The following HRH1 variants were observed in gnomAD, a reference collection of about 807,000 sequenced individuals.
The protein encoded by HRH1 is histamine H1 receptor.
In HRH1, 6 loss-of-function variants were observed where a neutral mutation model predicts 10.3. The observed-to-expected ratio is 0.58, with a 90% CI of 0.32 to 1.15. HRH1 has a LOEUF of 1.15. HRH1 is among the 50% of genes most tolerant of loss of function. The probability of loss-of-function intolerance (pLI) is 0.05; values close to 1 mark genes in which losing one functional copy is unlikely to be tolerated. For synonymous variants in HRH1, 242 were observed against 236.7 expected (o/e 1.02, Z -0.21); for missense variants, 514 against 615.3 (o/e 0.84, Z 1.74).
intron 1 of HRH1, among the ~76,000 whole-genome samples, chr3:11,249,613 G>A (rs534756441): frequency 1.9e-4 from 29 of 152,282 alleles, no homozygotes; most frequent in African/African-American, 6.0e-4. Flanking sequence ...TGGTTATATT[G>A]GCAATTGGGA....
chr3:11,173,526 C>T (rs1192824206), intron 1 of HRH1, among the ~76,000 whole-genome samples: 7 of 151,292 alleles, frequency 4.6e-5, no homozygotes, highest in African/African-American at 9.7e-5. Flanking sequence ...CCTCAGCCTC[C>T]GAGTAGCTGG....
At chr3:11,223,638 G>A (rs1030798501) in intron 1 of HRH1, among the ~76,000 whole-genome samples, 2 of 152,230 alleles carry the variant, frequency 1.3e-5, no homozygotes, top group African/African-American at 4.8e-5. Flanking sequence ...CAAGTAGACA[G>A]GGCTCTGGGT....
At chr3:11,207,468 C>A (rs13060038) in intron 1 of HRH1, among the ~76,000 whole-genome samples, 35,822 of 151,892 alleles carry the variant, frequency 0.24, 4,328 homozygotes, top group South Asian at 0.36. Context: ...GCTCAGGAGG[C>A]TGAGGCAGGA....
intron 1 of HRH1, among the ~76,000 whole-genome samples, chr3:11,256,734 G>T (rs1939792216): frequency 6.6e-6 from 1 of 152,098 alleles, no homozygotes; most frequent in East Asian, 1.9e-4. Flanking sequence ...GGGAGGCAGA[G>T]GTTGCAGTGA....
chr3:11,199,503 C>T (rs1225560572), intron 1 of HRH1, among the ~76,000 whole-genome samples: 4 of 152,178 alleles, frequency 2.6e-5, no homozygotes, highest in African/African-American at 7.2e-5. Flanking sequence ...CTTTCCTGCA[C>T]ACATCCTTCC....
intron 1 of HRH1, among the ~76,000 whole-genome samples, chr3:11,159,655 C>T (rs75193050): frequency 0.027 from 4,075 of 152,220 alleles, 136 homozygotes; most frequent in African/African-American, 0.075. Flanking sequence ...CCAGTGATTT[C>T]GTTTCTCATG....
At chr3:11,234,179 T>A in intron 1 of HRH1, 1 of 876,284 alleles carries the variant, frequency 1.1e-6, no homozygotes. Flanking sequence ...GACACTTTCT[T>A]GGAAGGTGAC....
chr3:11,159,479 C>A (rs899085535), intron 1 of HRH1, among the ~76,000 whole-genome samples: 4 of 152,154 alleles, frequency 2.6e-5, no homozygotes, highest in Admixed American at 2.6e-4. Flanking sequence ...CCCAGATGGT[C>A]ACATGATTTT....
At chr3:11,253,825 A>T (rs1346571500) in intron 1 of HRH1, among the ~76,000 whole-genome samples, 1 of 152,156 alleles carries the variant, frequency 6.6e-6, no homozygotes, top group Non-Finnish European at 1.5e-5. Context: ...TCTAAGATAG[A>T]CATTAACTCG....
chr3:11,166,731 GT>G (rs1390013619), intron 1 of HRH1, among the ~76,000 whole-genome samples: 1 of 139,460 alleles, frequency 7.2e-6, no homozygotes, highest in Non-Finnish European at 1.6e-5. Flanking sequence ...GACATCTGCT[GT>G]CCCCTGGCTT....
intron 1 of HRH1, among the ~76,000 whole-genome samples, chr3:11,185,074 G>C (rs1161797536): frequency 6.6e-6 from 1 of 150,926 alleles, no homozygotes; most frequent in Non-Finnish European, 1.5e-5. Context: ...GCTTCCCATT[G>C]TATCATGGGC....
At chr3:11,144,396 T>G (rs113044465) in intron 1 of HRH1, among the ~76,000 whole-genome samples, 333 of 3,862 alleles carry the variant, frequency 0.086, 10 homozygotes, top group African/African-American at 0.35. Flanking sequence ...TGTGTATATA[T>G]ACATATAGAC....
chr3:11,141,828 A>G (rs1445880186), intron 1 of HRH1, among the ~76,000 whole-genome samples: 1 of 152,204 alleles, frequency 6.6e-6, no homozygotes, highest in African/African-American at 2.4e-5. Flanking sequence ...GACACAAGCT[A>G]TCCTAGATGA....
At chr3:11,249,116 G>T (rs1939567535) in intron 1 of HRH1, among the ~76,000 whole-genome samples, 2 of 152,206 alleles carry the variant, frequency 1.3e-5, no homozygotes, top group African/African-American at 4.8e-5. Flanking sequence ...AGGGTTTAGG[G>T]CTGGGCGCGG....
intron 1 of HRH1, among the ~76,000 whole-genome samples, chr3:11,191,467 A>C (rs775489708): frequency 2.0e-4 from 31 of 152,192 alleles, no homozygotes; most frequent in Non-Finnish European, 3.2e-4. Flanking sequence ...TGTTAGTGGA[A>C]GGCTGAAGAT....
At chr3:11,181,842 A>G (rs1937360619) in intron 1 of HRH1, among the ~76,000 whole-genome samples, 1 of 152,080 alleles carries the variant, frequency 6.6e-6, no homozygotes, top group African/African-American at 2.4e-5. Flanking sequence ...CATGTTAGCC[A>G]GGATGGTCTC....
At chr3:11,228,105 G>A (rs73814575) in intron 1 of HRH1, among the ~76,000 whole-genome samples, 6,284 of 152,252 alleles carry the variant, frequency 0.041, 159 homozygotes, top group Middle Eastern at 0.068. Context: ...ACTGTGGTGC[G>A]TTAAAGGCAG....
At chr3:11,164,491 C>T (rs1208740106) in intron 1 of HRH1, among the ~76,000 whole-genome samples, 1 of 150,638 alleles carries the variant, frequency 6.6e-6, no homozygotes, top group South Asian at 2.1e-4. Flanking sequence ...CCTGGAAACT[C>T]CTTGAGAGAT....
At chr3:11,161,493 CG>C (rs1427279637) in intron 1 of HRH1, among the ~76,000 whole-genome samples, 1 of 152,172 alleles carries the variant, frequency 6.6e-6, no homozygotes, top group East Asian at 1.9e-4. Flanking sequence ...AGTCTGTGGA[CG>C]TGATTGTTGA....
Sources: gnomAD v4.1 joint callset for allele counts (sites outside exome capture counted in the v4.1 genomes callset) on GRCh38, gnomAD v4.1.1 for gene constraint, MANE v1.5 for transcripts, NCBI Gene and HGNC (gene_info 2026-07-23, HGNC 2026-07-21) for gene names.